NOP14: variants seen among roughly 807,000 people sequenced by gnomAD.
The protein encoded by NOP14 is NOP14 nucleolar protein, also known as nucleolar protein 14.
In NOP14, 57 loss-of-function variants were observed where a neutral mutation model predicts 101.6. That is an observed-to-expected ratio of 0.56 (90% CI 0.45 to 0.70). The LOEUF is 0.70. Among genes scored for constraint, NOP14 ranks in the 30% least tolerant of loss-of-function variants. NOP14 has a pLI of 0.00. For synonymous variants in NOP14, 428 were observed against 424.0 expected, an observed-to-expected ratio of 1.01 and a Z score of -0.12; for missense variants, 1,134 against 1,075.5, an observed-to-expected ratio of 1.05 and a Z score of -0.76.
intron 3 of NOP14, among the ~76,000 whole-genome samples, chr4:2,954,981 G>GGCGCCCCCTCTAGTCACCTGCACCACA (rs2109309933): frequency 6.6e-6 from 1 of 150,792 alleles, no homozygotes; most frequent in East Asian, 2.0e-4. Context: ...CCTGTACCAC[G>GGCGCCCCCTCTAGTCACCTGCACCACA]GCGCCCCCTC....
chr4:2,941,086 G>C, intron 15 of NOP14: 1 of 157,208 alleles, frequency 6.4e-6, no homozygotes, highest in Non-Finnish European at 1.4e-5. Context: ...CAGGGTCAGG[G>C]TGAAAGGCAG....
intron 1 of NOP14, chr4:2,961,237 TAATA>T (rs1560312330): frequency 7.3e-6 from 1 of 137,006 alleles, no homozygotes; most frequent in Non-Finnish European, 1.6e-5. Flanking sequence ...GTTAGTATAT[TAATA>T]TATAGTAACT....
chr4:2,962,337 C>T (rs544197276), intron 1 of NOP14, among the ~76,000 whole-genome samples: 2 of 152,214 alleles, frequency 1.3e-5, no homozygotes, highest in Admixed American at 1.3e-4. Context: ...GTAAGTCTAT[C>T]TTGCCTATTC....
intron 10 of NOP14, 185 bp from the exon 11 acceptor site, chr4:2,946,732 C>A: frequency 1.7e-6 from 1 of 594,256 alleles, no homozygotes; most frequent in Non-Finnish European, 3.0e-6. Flanking sequence ...AAAACTCGGC[C>A]ATAACATTAT....
At chr4:2,954,630 C>G (rs552013948) in intron 3 of NOP14, 67 bp from the exon 4 acceptor site, 4 of 1,563,648 alleles carry the variant, frequency 2.6e-6, no homozygotes, top group East Asian at 4.5e-5. Context: ...TTTCCTGTAG[C>G]ACTCTGCCAG....
chr4:2,959,389 A>G (rs1263330), intron 1 of NOP14, among the ~76,000 whole-genome samples: 86,624 of 151,912 alleles, frequency 0.57, 25,499 homozygotes, highest in South Asian at 0.66. Context: ...TTAGAAGATC[A>G]AGACCATCCT....
intron 1 of NOP14, chr4:2,961,267 T>TAACTATATTAATA (rs1206115132): frequency 8.1e-6 from 1 of 124,082 alleles, no homozygotes; most frequent in Non-Finnish European, 1.8e-5. Flanking sequence ...AATAATATAG[T>TAACTATATTAATA]TAGTATATTA....
chr4:2,938,982 A>G (rs2109286446), intron 17 of NOP14, 52 bp from the exon 18 acceptor site: 1 of 1,548,040 alleles, frequency 6.5e-7, no homozygotes. Flanking sequence ...CTTGGAGAGC[A>G]TCTTGCCCTC....
At chr4:2,962,099 G>T (rs1355455427) in intron 1 of NOP14, among the ~76,000 whole-genome samples, 1 of 152,238 alleles carries the variant, frequency 6.6e-6, no homozygotes, top group African/African-American at 2.4e-5. Context: ...AGAAGGTTAA[G>T]AATAACAGTA....
intron 15 of NOP14, chr4:2,940,518 G>GA (rs1714080167): frequency 1.3e-5 from 2 of 152,398 alleles, no homozygotes; most frequent in African/African-American, 4.8e-5. Flanking sequence ...ACACCAGCAG[G>GA]AAGTGGATAC....
At chr4:2,951,328 G>T (rs780047343) in intron 6 of NOP14, 83 bp from the exon 7 acceptor site, 3 of 1,321,758 alleles carry the variant, frequency 2.3e-6, no homozygotes, top group African/African-American at 1.4e-5. Context: ...CCTGGGCAGC[G>T]GGCTGGGCCT....
chr4:2,958,453 G>C (rs1399680800), intron 1 of NOP14, among the ~76,000 whole-genome samples: 1 of 152,140 alleles, frequency 6.6e-6, no homozygotes, highest in Non-Finnish European at 1.5e-5. Context: ...TTCTTGCTGC[G>C]GAACTTCTTC....
Position 2,942,282 on chromosome 4 carries a change from T to C in NOP14, c.1961A>G (p.Glu654Gly). Residue 654 changes from glutamate (E) to glycine (G), a missense_variant, in exon 14 of 18, where the codon GAG (glutamate) becomes GGG (glycine). By Grantham distance (98) the Glu-to-Gly change is moderately conservative (BLOSUM62 -2). Coordinates refer to ENST00000416614, the MANE Select transcript of NOP14 (RefSeq NM_001291978.2). ...NSELLVVSAR[E>G]DVATWQQSSL... ...GCTCTGCTGCCACGTGGCCACATCCTCTCTAGCAGACACCACGAGCAGTTC... is the reference window on the plus strand; with the variant it reads ...GCTCTGCTGCCACGTGGCCACATCCCCTCTAGCAGACACCACGAGCAGTTC... The C allele has an allele frequency of 6.2e-7, 1 of 1,614,044 alleles. No homozygotes were observed. The highest frequency in any genetic ancestry group is 8.5e-7 in the Non-Finnish European group (1 of 1,179,998).
rs1713906206 is a variant in NOP14, at chr4:2,938,936, A to G, written c.2475-6T>C. 3 of 1,613,126 alleles carry G rather than the reference A, an allele frequency of 1.9e-6. No individual in the cohort carries two copies. The highest frequency in any genetic ancestry group is 2.5e-6 in the Non-Finnish European group (3 of 1,179,100). ...TCCGCTTTCTTTCCGCATCCCTAAA[A>G]GAAACAAAAGGCAAATGCCCATTTT... is the stretch of plus-strand genomic sequence containing the variant. On this transcript the variant is annotated splice_polypyrimidine_tract_variant and splice_region_variant and intron_variant, in intron 17 of 17. Transcript: ENST00000416614.
intron 7 of NOP14, 165 bp from the exon 8 acceptor site, chr4:2,950,378 C>A (rs150784391): frequency 0.018 from 12,325 of 682,474 alleles, 167 homozygotes; most frequent in Non-Finnish European, 0.025. Flanking sequence ...CTCCTGCCCA[C>A]CACCCGCTTC....
chr4:2,939,427 C>T, intron 16 of NOP14, 84 bp from the exon 17 acceptor site: 1 of 1,602,518 alleles, frequency 6.2e-7, no homozygotes, highest in East Asian at 2.2e-5. Flanking sequence ...TGGCTTCACT[C>T]CGTAGTCATC....
At chr4:2,947,093 G>T in intron 10 of NOP14, 1 of 223,842 alleles carries the variant, frequency 4.5e-6, no homozygotes, top group Non-Finnish European at 8.8e-6. Flanking sequence ...GCAGGAGCTC[G>T]CCCTGGCGGT....
In NOP14 at chr4:2,941,299, C is replaced by T. The variant is rs534613606; in HGVS notation, c.2199+283G>A. 37 of 420,556 alleles carry T rather than the reference C, an allele frequency of 8.8e-5. 2 individuals are homozygous for T. In the South Asian group the frequency reaches 9.1e-4, roughly 10 times the overall value. The allele number at this position is 420,556 out of a possible 1,614,324, so 26.1% of individuals were successfully genotyped here. ...ACTGTCCAGGCCTGGCAGGGGCTGA[C>T]CCCTGGGCGCTGGTGCACCCTCCGT... On this transcript the variant is annotated intron_variant, in intron 15 of 17. Transcript: ENST00000416614.
chr4:2,956,907 G>T, intron 2 of NOP14, 96 bp from the exon 3 acceptor site: 1 of 1,086,416 alleles, frequency 9.2e-7, no homozygotes, highest in Non-Finnish European at 1.3e-6. Flanking sequence ...CATTATATTT[G>T]AAATATGACA....
Sources: allele counts gnomAD v4.1 joint callset (sites outside exome capture counted in the v4.1 genomes callset), GRCh38; gene constraint gnomAD v4.1.1; transcripts MANE v1.5; gene names NCBI Gene and HGNC (gene_info 2026-07-23, HGNC 2026-07-21).